The following BTBD16 variants were observed in gnomAD, a reference collection of about 807,000 sequenced individuals.
The protein encoded by BTBD16 is BTB/POZ domain-containing protein 16.
In BTBD16, 66 loss-of-function variants were observed where a neutral mutation model predicts 67.4. The ratio of observed to expected loss-of-function variants is 0.98; its 90% confidence interval spans 0.80 to 1.20. The LOEUF (loss-of-function observed/expected upper bound fraction) is 1.20. Ranked by LOEUF, BTBD16 falls within the 50% of genes most tolerant of loss-of-function variation. The probability of loss-of-function intolerance (pLI) is 0.00; values close to 1 mark genes in which losing one functional copy is unlikely to be tolerated. For synonymous variants in BTBD16, 242 were observed against 236.4 expected (o/e 1.02, Z -0.22); for missense variants, 634 against 616.0 (o/e 1.03, Z -0.31).
At chr10:122,308,816 C>T (rs1353412333) in intron 10 of BTBD16, among the ~76,000 whole-genome samples, 3 of 152,312 alleles carry the variant, frequency 2.0e-5, no homozygotes, top group East Asian at 1.9e-4. Flanking sequence ...GGTAGCACCT[C>T]GCAGTTGTGT....
intron 7 of BTBD16, among the ~76,000 whole-genome samples, chr10:122,296,294 G>C (rs1294902193): frequency 6.6e-6 from 1 of 152,130 alleles, no homozygotes; most frequent in Non-Finnish European, 1.5e-5. Context: ...TTTGGCAAAA[G>C]CGGCACACCA....
intron 3 of BTBD16, among the ~76,000 whole-genome samples, chr10:122,283,559 T>C (rs2096357371): frequency 6.6e-6 from 1 of 152,194 alleles, no homozygotes; most frequent in African/African-American, 2.4e-5. Flanking sequence ...AGATAATGTT[T>C]TAGACACTGA....
intron 10 of BTBD16, among the ~76,000 whole-genome samples, chr10:122,323,086 A>G (rs2096438323): frequency 6.6e-6 from 1 of 152,198 alleles, no homozygotes; most frequent in African/African-American, 2.4e-5. Flanking sequence ...ATGTTCTTTA[A>G]TGGTGGTTTT....
intron 12 of BTBD16, among the ~76,000 whole-genome samples, chr10:122,331,523 C>T (rs2096455088): frequency 6.6e-6 from 1 of 152,202 alleles, no homozygotes; most frequent in African/African-American, 2.4e-5. Context: ...GACCAAATAA[C>T]TCTTCCTCCA....
chr10:122,328,717 T>C (rs2096449716), intron 10 of BTBD16: 1 of 977,986 alleles, frequency 1.0e-6, no homozygotes, highest in Non-Finnish European at 1.2e-6. Flanking sequence ...TGTTCCCCAT[T>C]GTCCCCATTT....
chr10:122,296,177 C>T (rs747423056), intron 7 of BTBD16, among the ~76,000 whole-genome samples: 32 of 151,986 alleles, frequency 2.1e-4, no homozygotes, highest in Non-Finnish European at 4.0e-4. Context: ...AGTATGAAAA[C>T]TGTGGATGTC....
intron 10 of BTBD16, among the ~76,000 whole-genome samples, chr10:122,312,814 C>T (rs192025436): frequency 6.6e-6 from 1 of 152,308 alleles, no homozygotes; most frequent in Non-Finnish European, 1.5e-5. Context: ...TGGTCCACGT[C>T]CTTGTTGGAT....
intron 10 of BTBD16, among the ~76,000 whole-genome samples, chr10:122,308,655 GT>G (rs1427970082): frequency 6.6e-6 from 1 of 152,038 alleles, no homozygotes. Flanking sequence ...CGAGCTTTGG[GT>G]CAGACTGGGA....
At chr10:122,313,255 CTG>C (rs1258498833) in intron 10 of BTBD16, among the ~76,000 whole-genome samples, 3 of 98,460 alleles carry the variant, frequency 3.0e-5, no homozygotes, top group African/African-American at 1.7e-4. Flanking sequence ...ATAGTTAGTG[CTG>C]TTTTTTTTTT....
At chr10:122,321,574 A>G (rs150298146) in intron 10 of BTBD16, among the ~76,000 whole-genome samples, 22 of 152,308 alleles carry the variant, frequency 1.4e-4, no homozygotes, top group African/African-American at 5.3e-4. Flanking sequence ...ATGGTATCTC[A>G]CTGTGGTTTT....
At chr10:122,274,979 T>C (rs932283852) in intron 1 of BTBD16, 61 bp from the exon 2 acceptor site, 3 of 1,164,820 alleles carry the variant, frequency 2.6e-6, no homozygotes, top group African/African-American at 1.5e-5. Flanking sequence ...TTTAGGCCAA[T>C]CTCCTCCATA....
intron 3 of BTBD16, among the ~76,000 whole-genome samples, chr10:122,281,667 A>T (rs2096353533): frequency 6.6e-6 from 1 of 152,200 alleles, no homozygotes; most frequent in Non-Finnish European, 1.5e-5. Context: ...CTTGCAAGTT[A>T]TTCCAAACAT....
intron 10 of BTBD16, chr10:122,328,647 G>A (rs2096449556): frequency 2.1e-6 from 1 of 484,650 alleles, no homozygotes; most frequent in Non-Finnish European, 2.7e-6. Context: ...ACCCTGGGTG[G>A]GTCCTATGCA....
chr10:122,301,799 AC>A (rs2096394490), intron 9 of BTBD16, among the ~76,000 whole-genome samples: 1 of 151,912 alleles, frequency 6.6e-6, no homozygotes, highest in Admixed American at 6.6e-5. Context: ...TATCCCCACC[AC>A]CCCACGTGGT....
chr10:122,283,738 T>C (rs1039761136), intron 3 of BTBD16, 113 bp from the exon 4 acceptor site: 1 of 801,660 alleles, frequency 1.2e-6, no homozygotes, highest in Non-Finnish European at 2.1e-6. Flanking sequence ...CGAGATATGA[T>C]TAGCTTGATC....
At chr10:122,321,330 C>T (rs2096435044) in intron 10 of BTBD16, among the ~76,000 whole-genome samples, 2 of 152,094 alleles carry the variant, frequency 1.3e-5, no homozygotes, top group Admixed American at 6.6e-5. Context: ...CTGCATGTGT[C>T]TTCTTGGTAG....
chr10:122,298,973 TC>T (rs2096388730), intron 8 of BTBD16, 30 bp from the exon 9 acceptor site: 1 of 1,610,974 alleles, frequency 6.2e-7, no homozygotes, highest in Non-Finnish European at 8.5e-7. Context: ...GCTCAGGACT[TC>T]CTTCATCAAC....
chr10:122,295,738 G>A (rs796549845), intron 7 of BTBD16, among the ~76,000 whole-genome samples: 5 of 152,196 alleles, frequency 3.3e-5, no homozygotes, highest in African/African-American at 9.6e-5. Flanking sequence ...TGACAGCAGC[G>A]CCTCATGTTT....
chr10:122,314,149 T>G (rs1166702313), intron 10 of BTBD16, among the ~76,000 whole-genome samples: 1 of 152,120 alleles, frequency 6.6e-6, no homozygotes, highest in African/African-American at 2.4e-5. Flanking sequence ...GTAGATCAAT[T>G]TGGGGAAAAT....
Sources: allele counts gnomAD v4.1 joint callset (sites outside exome capture counted in the v4.1 genomes callset), GRCh38; gene constraint gnomAD v4.1.1; transcripts MANE v1.5; gene names NCBI Gene and HGNC (gene_info 2026-07-23, HGNC 2026-07-21).